The following ELMO1 variants were observed in gnomAD, a reference collection of about 807,000 sequenced individuals.
The protein encoded by ELMO1 is engulfment and cell motility protein 1.
ELMO1 carries 26 observed loss-of-function variants against 98.9 expected under a neutral mutation model. The observed-to-expected ratio is 0.26, with a 90% confidence interval of 0.19 to 0.36. The LOEUF (loss-of-function observed/expected upper bound fraction) is 0.36. Among genes scored for constraint, ELMO1 ranks in the 10% least tolerant of loss-of-function variants. ELMO1 has a pLI of 1.00. For missense variants in ELMO1, 627 were observed against 935.2 expected, an observed-to-expected ratio of 0.67 and a Z score of 4.30; for synonymous variants, 346 against 346.0, an observed-to-expected ratio of 1.00 and a Z score of 0.00.
chr7:36,959,329 G>A lies in ELMO1; in HGVS notation c.1437+53970C>T, dbSNP rs147184047. ...AAAATCTGGCAGATCATGTCACTCC[G>A]GTGCTCAAAACTCTCCAGTGGTTCC... is the stretch of plus-strand genomic sequence containing the variant. On this transcript the variant is annotated intron_variant, in intron 16 of 21. Coordinates refer to ENST00000310758, the MANE Select transcript of ELMO1 (RefSeq NM_014800.11). Among the ~76,000 whole-genome samples the A allele has an allele frequency of 8.6e-5, 13 of 151,970 alleles. No homozygotes were observed. The East Asian group carries it at 1.7e-3, about 20-fold the overall frequency.
intron 1 of ELMO1, among the ~76,000 whole-genome samples, chr7:37,427,945 A>G (rs1272446289): frequency 6.6e-6 from 1 of 152,150 alleles, no homozygotes; most frequent in Non-Finnish European, 1.5e-5. Context: ...ATGCATTCTG[A>G]TCAATAGGGG....
Position 36,976,153 on chromosome 7 carries a change from A to C in ELMO1, c.1437+37146T>G, listed in dbSNP as rs559865238. Among the ~76,000 whole-genome samples the C allele has an allele frequency of 7.9e-5, 12 of 152,330 alleles. No homozygotes were observed. The South Asian group carries it at 2.5e-3, about 32-fold the overall frequency. ...AATGGGCACAGATGTGTCCCAATAA[A>C]ATGTATTTACAAGTCCAGGGAGTGG... On this transcript the variant is annotated intron_variant, in intron 16 of 21. Coordinates refer to ENST00000310758, the MANE Select transcript of ELMO1 (RefSeq NM_014800.11).
intron 1 of ELMO1, among the ~76,000 whole-genome samples, chr7:37,418,190 G>A (rs1400538493): frequency 6.6e-6 from 1 of 152,162 alleles, no homozygotes; most frequent in East Asian, 1.9e-4. Flanking sequence ...TATCTGCTAA[G>A]AGACAGAAAC....
At chr7:37,111,525 T>C (rs1319314930) in intron 14 of ELMO1, among the ~76,000 whole-genome samples, 1 of 152,214 alleles carries the variant, frequency 6.6e-6, no homozygotes, top group Non-Finnish European at 1.5e-5. Flanking sequence ...AGAAAAACTT[T>C]TGTACTAGCA....
intron 13 of ELMO1, among the ~76,000 whole-genome samples, chr7:37,180,768 G>A (rs894145677): frequency 6.6e-6 from 1 of 151,292 alleles, no homozygotes; most frequent in Non-Finnish European, 1.5e-5. Flanking sequence ...GGAAAAATAT[G>A]TATATATACA....
chr7:37,057,352 C>A (rs1393643834), intron 15 of ELMO1, among the ~76,000 whole-genome samples: 2 of 152,242 alleles, frequency 1.3e-5, no homozygotes, highest in Non-Finnish European at 2.9e-5. Context: ...TGTTAGAAGA[C>A]TGACTCCCTT....
intron 13 of ELMO1, among the ~76,000 whole-genome samples, chr7:37,198,769 T>C (rs758488902): frequency 6.6e-6 from 1 of 152,234 alleles, no homozygotes; most frequent in Non-Finnish European, 1.5e-5. Flanking sequence ...CAAGGAAGTT[T>C]GCACAATACA....
At chr7:36,877,095 A>T (rs1020082449) in intron 19 of ELMO1, among the ~76,000 whole-genome samples, 1 of 152,204 alleles carries the variant, frequency 6.6e-6, no homozygotes, top group African/African-American at 2.4e-5. Flanking sequence ...AAGGTAATCC[A>T]GATTTGACTT....
intron 6 of ELMO1, among the ~76,000 whole-genome samples, chr7:37,247,746 C>T (rs923240430): frequency 2.4e-4 from 36 of 152,128 alleles, no homozygotes; most frequent in Admixed American, 8.5e-4. Flanking sequence ...CACCTGGGTG[C>T]AAGGTGCCAC....
At chr7:36,964,585 T>C (rs1010126111) in intron 16 of ELMO1, among the ~76,000 whole-genome samples, 4 of 152,204 alleles carry the variant, frequency 2.6e-5, no homozygotes, top group Non-Finnish European at 5.9e-5. Flanking sequence ...TAGATGTTTC[T>C]TTCCTTAAGA....
intron 13 of ELMO1, among the ~76,000 whole-genome samples, chr7:37,140,211 TAAAA>T (rs745855444): frequency 7.8e-6 from 1 of 128,796 alleles, no homozygotes; most frequent in Non-Finnish European, 1.7e-5. Flanking sequence ...CCACCTCTAC[TAAAA>T]AAAAAAAAAA....
At chr7:37,423,379 A>C (rs1272132861) in intron 1 of ELMO1, among the ~76,000 whole-genome samples, 3 of 152,222 alleles carry the variant, frequency 2.0e-5, no homozygotes, top group Non-Finnish European at 4.4e-5. Context: ...CAGGAGTTTG[A>C]GACCAGCCTG....
chr7:37,330,898 G>T (rs1800067570), intron 2 of ELMO1, among the ~76,000 whole-genome samples: 1 of 152,166 alleles, frequency 6.6e-6, no homozygotes, highest in Non-Finnish European at 1.5e-5. Flanking sequence ...ATGGACACAA[G>T]TGCTGCCATA....
intron 16 of ELMO1, among the ~76,000 whole-genome samples, chr7:37,003,510 C>T (rs1053261298): frequency 6.6e-6 from 1 of 152,174 alleles, no homozygotes; most frequent in Non-Finnish European, 1.5e-5. Flanking sequence ...GGTGACAGAG[C>T]AGGAGGGTCA....
At chr7:37,247,403 C>T (rs1401506148) in intron 6 of ELMO1, among the ~76,000 whole-genome samples, 1 of 152,148 alleles carries the variant, frequency 6.6e-6, no homozygotes, top group African/African-American at 2.4e-5. Context: ...CTTAGGGTTA[C>T]ACCAGGCCAT....
chr7:36,887,539 G>A, intron 18 of ELMO1, 21 bp downstream of exon 18: 1 of 1,611,246 alleles, frequency 6.2e-7, no homozygotes, highest in Non-Finnish European at 8.5e-7. Flanking sequence ...TCCAAGTTTG[G>A]AGTGTCCCCA....
chr7:36,989,072 CCAGCAATTAAGAATTAATT>C (rs1293914507), intron 16 of ELMO1, among the ~76,000 whole-genome samples: 1 of 152,140 alleles, frequency 6.6e-6, no homozygotes, highest in East Asian at 1.9e-4. Flanking sequence ...AGGAATTAAT[CCAGCAATTAAGAATTAATT>C]CAGCAATTAA....
At chr7:37,156,281 A>C (rs1171410860) in intron 13 of ELMO1, among the ~76,000 whole-genome samples, 2 of 148,012 alleles carry the variant, frequency 1.4e-5, no homozygotes, top group Middle Eastern at 3.2e-3. Flanking sequence ...AAAAGTAAAA[A>C]CTTCAAAAGC....
chr7:36,983,290 T>G (rs1173145525), intron 16 of ELMO1, among the ~76,000 whole-genome samples: 1 of 152,218 alleles, frequency 6.6e-6, no homozygotes, highest in African/African-American at 2.4e-5. Flanking sequence ...CATTTTGTGA[T>G]GGGCTTTTTA....
Sources: allele counts gnomAD v4.1 joint callset (sites outside exome capture counted in the v4.1 genomes callset), GRCh38; gene constraint gnomAD v4.1.1; transcripts MANE v1.5; gene names NCBI Gene and HGNC (gene_info 2026-07-23, HGNC 2026-07-21).